NVL: variants seen among roughly 807,000 people sequenced by gnomAD.
The protein encoded by NVL is nuclear VCP like.
A neutral mutation model predicts 110.2 loss-of-function variants in NVL; 84 were observed. The ratio of observed to expected loss-of-function variants is 0.76; its 90% CI spans 0.64 to 0.91. The LOEUF is 0.91. NVL is among the 40% of genes least tolerant of loss of function. NVL has a pLI of 0.00. For missense variants in NVL, 882 were observed against 1,035.9 expected (o/e 0.85, Z 2.04); for synonymous variants, 354 against 361.1 (o/e 0.98, Z 0.22).
intron 12 of NVL, among the ~76,000 whole-genome samples, chr1:224,293,752 G>A (rs1272243847): frequency 6.6e-6 from 1 of 152,206 alleles, no homozygotes; most frequent in East Asian, 1.9e-4. Flanking sequence ...GGATACATAA[G>A]TCCATTACTA....
At chr1:224,314,936 G>A (rs780517087) in intron 4 of NVL, among the ~76,000 whole-genome samples, 1 of 152,084 alleles carries the variant, frequency 6.6e-6, no homozygotes, top group East Asian at 1.9e-4. Context: ...GCTTAAACCC[G>A]GGAGGCGGTG....
rs1000701381 is a variant in NVL at position 224,287,715 on chromosome 1, C to A, written c.1794+60G>T. On this transcript the variant is annotated intron_variant, in intron 14 of 22. Transcript: ENST00000281701. ...CAGAACCTAGTACACATGCATGGAG[C>A]TTTATCTCTGGTCTTTAATCCATGA... The A allele has an allele frequency of 4.9e-6, 7 of 1,424,748 alleles. No individual in the cohort carries two copies. The African/African-American group carries it at 9.8e-5, about 20-fold the overall frequency. The allele number at this position is 1,424,748 out of a possible 1,614,324, so 88.3% of individuals were successfully genotyped here.
intron 6 of NVL, among the ~76,000 whole-genome samples, chr1:224,306,357 G>C (rs1668912925): frequency 6.6e-6 from 1 of 151,994 alleles, no homozygotes; most frequent in Admixed American, 6.6e-5. Context: ...AGCTCCGCCT[G>C]CCGGGTTCAC....
At chr1:224,296,678 A>G in intron 10 of NVL, 60 bp from the exon 11 acceptor site, 1 of 993,568 alleles carries the variant, frequency 1.0e-6, no homozygotes, top group Non-Finnish European at 1.5e-6. Flanking sequence ...CTGAAGCACA[A>G]TTAAGCATAT....
intron 10 of NVL, chr1:224,298,649 G>C (rs1029580285): frequency 5.9e-6 from 1 of 169,534 alleles, no homozygotes; most frequent in African/African-American, 2.4e-5. Context: ...TCTCTTCATT[G>C]AGTAGAAGTG....
chr1:224,313,278 A>G (rs1244428031), intron 4 of NVL: 1 of 154,184 alleles, frequency 6.5e-6, no homozygotes, highest in Non-Finnish European at 1.4e-5. Flanking sequence ...TGAAAAAAAA[A>G]AAAGTTTTGC....
intron 16 of NVL, among the ~76,000 whole-genome samples, chr1:224,279,245 C>T (rs1295739689): frequency 6.6e-6 from 1 of 151,972 alleles, no homozygotes; most frequent in African/African-American, 2.4e-5. Flanking sequence ...AATACATCAA[C>T]AGAGATAAGT....
At chr1:224,270,711 G>A (rs1665003650) in intron 17 of NVL, among the ~76,000 whole-genome samples, 1 of 151,900 alleles carries the variant, frequency 6.6e-6, no homozygotes, top group African/African-American at 2.4e-5. Context: ...AAAAGAAAAA[G>A]ACAGCAATAG....
At chr1:224,242,851 A>G (rs189804668) in intron 19 of NVL, among the ~76,000 whole-genome samples, 2 of 137,696 alleles carry the variant, frequency 1.5e-5, no homozygotes, top group Non-Finnish European at 3.1e-5. Context: ...TTTGAGACAG[A>G]GTTTCGTCCT....
intron 19 of NVL, among the ~76,000 whole-genome samples, chr1:224,248,073 C>T (rs1340549169): frequency 6.6e-6 from 1 of 152,084 alleles, no homozygotes; most frequent in Non-Finnish European, 1.5e-5. Context: ...CAACCACAGA[C>T]CCAACATCCT....
At chr1:224,243,920 A>G (rs1661503516) in intron 19 of NVL, among the ~76,000 whole-genome samples, 1 of 151,752 alleles carries the variant, frequency 6.6e-6, no homozygotes, top group Admixed American at 6.6e-5. Context: ...TCAGTCTCCC[A>G]AAGTGCTGGA....
intron 18 of NVL, among the ~76,000 whole-genome samples, chr1:224,253,562 G>A (rs369573785): frequency 2.7e-5 from 4 of 150,756 alleles, no homozygotes; most frequent in African/African-American, 7.3e-5. Context: ...GTGAAACCCC[G>A]TCTCTACTAA....
intron 12 of NVL, 99 bp downstream of exon 12, chr1:224,294,162 AAGAGAG>A: frequency 8.2e-7 from 1 of 1,214,486 alleles, no homozygotes; most frequent in Non-Finnish European, 1.2e-6. Context: ...TACAAAAAGA[AAGAGAG>A]AGAAAGAAAA....
intron 19 of NVL, among the ~76,000 whole-genome samples, chr1:224,239,143 T>C (rs1191477443): frequency 6.6e-6 from 1 of 152,178 alleles, no homozygotes; most frequent in Non-Finnish European, 1.5e-5. Flanking sequence ...TCTCTAAATC[T>C]ACTTTACATT....
chr1:224,252,880 G>C (rs116712920), intron 18 of NVL, among the ~76,000 whole-genome samples: 2,693 of 152,130 alleles, frequency 0.018, 74 homozygotes, highest in African/African-American at 0.06. Context: ...TTTATCCTTA[G>C]GCAGCCACCT....
chr1:224,250,466 AT>A, intron 18 of NVL, 148 bp from the exon 19 acceptor site: 1 of 590,762 alleles, frequency 1.7e-6, no homozygotes, highest in Non-Finnish European at 2.7e-6. Context: ...CCAGGCTCAG[AT>A]GATTCTCCCA....
At chr1:224,237,451 T>C (rs1660611025) in intron 19 of NVL, among the ~76,000 whole-genome samples, 1 of 152,220 alleles carries the variant, frequency 6.6e-6, no homozygotes, top group African/African-American at 2.4e-5. Flanking sequence ...TTAGAACTCT[T>C]AGAATTTCTC....
chr1:224,307,888 C>A, intron 6 of NVL, 103 bp downstream of exon 6: 1 of 1,098,648 alleles, frequency 9.1e-7, no homozygotes, highest in Non-Finnish European at 1.3e-6. Context: ...TTTAAAGTTC[C>A]TATGCCTTCC....
At chr1:224,286,933 C>T (rs1004041870) in intron 14 of NVL, among the ~76,000 whole-genome samples, 7 of 152,108 alleles carry the variant, frequency 4.6e-5, no homozygotes, top group African/African-American at 1.7e-4. Flanking sequence ...TTAAAATTGC[C>T]TTGATCCATA....
Sources: allele counts gnomAD v4.1 joint callset (sites outside exome capture counted in the v4.1 genomes callset), GRCh38; gene constraint gnomAD v4.1.1; transcripts MANE v1.5; gene names NCBI Gene and HGNC (gene_info 2026-07-23, HGNC 2026-07-21).